Variants in GALNT13 observed in about 807,000 individuals in gnomAD.
GALNT13 encodes UDP-GalNAc:polypeptide N-acetylgalactosaminyltransferase 13.
GALNT13 carries 28 observed loss-of-function variants against 64.2 expected under a neutral mutation model. The observed-to-expected ratio is 0.44, with a 90% CI of 0.32 to 0.60. GALNT13 has a LOEUF of 0.60. GALNT13 is among the 20% of genes least tolerant of loss of function. GALNT13 has a pLI of 0.05. For missense variants in GALNT13, 577 were observed against 669.8 expected (o/e 0.86, Z 1.53); for synonymous variants, 214 against 224.6 (o/e 0.95, Z 0.42).
the GALNT13 span, among the ~76,000 whole-genome samples, chr2:153,283,933 G>A: frequency 6.6e-6 from 1 of 152,164 alleles, no homozygotes; most frequent in Non-Finnish European, 1.5e-5. Context: ...AGACCTGCCT[G>A]GGTGTGGAGC....
chr2:154,176,766 A>C (rs540423311), intron 4 of GALNT13, among the ~76,000 whole-genome samples: 163 of 152,284 alleles, frequency 1.1e-3, no homozygotes, highest in South Asian at 5.6e-3. Context: ...TTCCCCTAAA[A>C]TGCTGATTTT....
At chr2:154,088,108 G>C (rs896175875) in intron 3 of GALNT13, among the ~76,000 whole-genome samples, 3 of 152,084 alleles carry the variant, frequency 2.0e-5, no homozygotes, top group African/African-American at 7.2e-5. Context: ...AACTGAAAAT[G>C]TGTTAATAAA....
the GALNT13 span, among the ~76,000 whole-genome samples, chr2:153,307,617 G>A: frequency 6.6e-6 from 1 of 152,120 alleles, no homozygotes; most frequent in Admixed American, 6.5e-5. Context: ...ATATTGCAGT[G>A]TAAATTGTGG....
chr2:154,103,370 A>T (rs888133673), intron 3 of GALNT13, among the ~76,000 whole-genome samples: 2 of 152,084 alleles, frequency 1.3e-5, no homozygotes, highest in African/African-American at 4.8e-5. Flanking sequence ...TATCTGTCTC[A>T]TCCTTTATAT....
intron 11 of GALNT13, among the ~76,000 whole-genome samples, chr2:154,428,595 G>A (rs1286373433): frequency 2.6e-5 from 4 of 152,050 alleles, no homozygotes; most frequent in East Asian, 1.9e-4. Flanking sequence ...TGTGCTTCAC[G>A]GATATTGCAC....
At chr2:153,904,320 A>G (rs947347628) in intron 2 of GALNT13, among the ~76,000 whole-genome samples, 1 of 151,948 alleles carries the variant, frequency 6.6e-6, no homozygotes, top group Admixed American at 6.6e-5. Flanking sequence ...AAATATGTAC[A>G]TATATTTCTC....
chr2:153,128,712 A>T, the GALNT13 span, among the ~76,000 whole-genome samples: 7 of 152,318 alleles, frequency 4.6e-5, no homozygotes, highest in Admixed American at 1.3e-4. Flanking sequence ...TGATAAAGAC[A>T]TACCCAAGTC....
the GALNT13 span, among the ~76,000 whole-genome samples, chr2:153,650,941 A>G: frequency 5.0e-3 from 766 of 152,302 alleles, 9 homozygotes; most frequent in African/African-American, 0.017. Context: ...AGCTTTACCA[A>G]TGTCTGAAGT....
the GALNT13 span, among the ~76,000 whole-genome samples, chr2:153,454,952 AG>A: frequency 1.3e-5 from 2 of 152,236 alleles, no homozygotes; most frequent in African/African-American, 4.8e-5. Flanking sequence ...AAAGTTCTGC[AG>A]AAGGAGGTGT....
the GALNT13 span, among the ~76,000 whole-genome samples, chr2:153,255,886 G>A: frequency 1.3e-5 from 2 of 152,228 alleles, no homozygotes; most frequent in East Asian, 3.9e-4. Flanking sequence ...CTTTCTCTCT[G>A]GCTGTCCTTA....
At chr2:153,872,619 C>CGGGGGGGGG (rs1218155488) in intron 1 of GALNT13, among the ~76,000 whole-genome samples, 4 of 16,302 alleles carry the variant, frequency 2.5e-4, no homozygotes, top group African/African-American at 7.2e-4. Flanking sequence ...TTGTTGGTGG[C>CGGGGGGGGG]GGGGGGGGGG....
chr2:154,169,676 G>C (rs1685245886), intron 4 of GALNT13, among the ~76,000 whole-genome samples: 1 of 152,120 alleles, frequency 6.6e-6, no homozygotes, highest in African/African-American at 2.4e-5. Context: ...CTTCAATTTA[G>C]GCAGTTTTCA....
chr2:153,540,635 G>A, the GALNT13 span, among the ~76,000 whole-genome samples: 10 of 152,316 alleles, frequency 6.6e-5, no homozygotes, highest in East Asian at 3.9e-4. Context: ...CTACTGAGCC[G>A]CAGGGGCAGA....
chr2:153,896,331 AC>A (rs1041747496), intron 1 of GALNT13, among the ~76,000 whole-genome samples: 11 of 150,856 alleles, frequency 7.3e-5, no homozygotes, highest in African/African-American at 2.7e-4. Flanking sequence ...AGTTGGTTTT[AC>A]ATTTGTTCTC....
chr2:153,123,079 C>T, the GALNT13 span, among the ~76,000 whole-genome samples: 4 of 151,506 alleles, frequency 2.6e-5, no homozygotes, highest in South Asian at 2.1e-4. Flanking sequence ...CAATGCCATA[C>T]GAAGATACAG....
chr2:153,551,607 T>A, the GALNT13 span, among the ~76,000 whole-genome samples: 3 of 152,134 alleles, frequency 2.0e-5, no homozygotes, highest in Non-Finnish European at 4.4e-5. Context: ...TATTGATGAA[T>A]GTTGGATGTG....
At chr2:154,093,344 A>T (rs1701910917) in intron 3 of GALNT13, among the ~76,000 whole-genome samples, 1 of 151,998 alleles carries the variant, frequency 6.6e-6, no homozygotes, top group African/African-American at 2.4e-5. Flanking sequence ...TAATGTTTGG[A>T]GTAAAGAGTA....
the GALNT13 span, among the ~76,000 whole-genome samples, chr2:153,207,331 T>A: frequency 6.6e-6 from 1 of 152,100 alleles, no homozygotes; most frequent in East Asian, 1.9e-4. Context: ...TATGTGCATG[T>A]GTATGTGTAT....
chr2:154,050,950 C>T (rs539000631), intron 3 of GALNT13, among the ~76,000 whole-genome samples: 4 of 152,238 alleles, frequency 2.6e-5, no homozygotes, highest in Admixed American at 2.0e-4. Flanking sequence ...TGTTTTATAG[C>T]GCATACACAA....
Sources: gnomAD v4.1 joint callset for allele counts (sites outside exome capture counted in the v4.1 genomes callset) on GRCh38, gnomAD v4.1.1 for gene constraint, MANE v1.5 for transcripts, NCBI Gene and HGNC (gene_info 2026-07-23, HGNC 2026-07-21) for gene names.